The following GYS2 variants were observed in gnomAD, a reference collection of about 807,000 sequenced individuals.
GYS2 encodes glycogen [starch] synthase, liver.
Under a neutral mutation model 85.6 loss-of-function variants are expected in GYS2, and 80 were observed. That is an observed-to-expected ratio of 0.93 (90% CI 0.78 to 1.13). The LOEUF is 1.13. Among genes scored for constraint, GYS2 ranks in the 50% most tolerant of loss-of-function variants. GYS2 has a pLI of 0.00. For missense variants in GYS2, 881 were observed against 854.9 expected, an observed-to-expected ratio of 1.03 and a Z score of -0.38; for synonymous variants, 328 against 300.7, an observed-to-expected ratio of 1.09 and a Z score of -0.94.
intron 15 of GYS2, 65 bp from the exon 16 acceptor site, chr12:21,537,240 C>A (rs1420540877): frequency 1.2e-5 from 13 of 1,098,948 alleles, no homozygotes; most frequent in Non-Finnish European, 1.7e-5. Context: ...GATGTAAATA[C>A]TATGCATGCA....
In GYS2 at chr12:21,604,519, A is replaced by G. The variant is rs1418654756; in HGVS notation, c.74T>C (p.Val25Ala). 6.2e-7 allele frequency: 1 copy of G among 1,612,606 alleles called. No individual in the cohort carries two copies. Among genetic ancestry groups the G allele is most frequent in the Non-Finnish European group, 8.5e-7 (1 of 1,178,900 alleles). ...LPQWEVEELP[V>A]EELLLFEVAW... Reference sequence around the variant, plus strand: ...AACTTCAAAGAGCAGTAACTCCTCCACAGGAAGTTCTTCGACTTCCCACTG... The same window carrying G: ...AACTTCAAAGAGCAGTAACTCCTCCGCAGGAAGTTCTTCGACTTCCCACTG... Residue 25 changes from valine (V) to alanine (A), a missense_variant, in exon 1 of 16, where the codon GTG becomes GCG. By Grantham distance (64) the Val-to-Ala change is moderately conservative (BLOSUM62 0). Transcript: ENST00000261195.
chr12:21,554,874 G>A (rs952346526), intron 11 of GYS2, among the ~76,000 whole-genome samples: 10 of 152,102 alleles, frequency 6.6e-5, no homozygotes, highest in South Asian at 6.2e-4. Flanking sequence ...TTTAAAACAC[G>A]GATCAGCAAG....
intron 5 of GYS2, 102 bp downstream of exon 5, chr12:21,568,763 T>C: frequency 2.0e-6 from 2 of 976,106 alleles, no homozygotes; most frequent in Admixed American, 1.7e-5. Flanking sequence ...GGTAACTGAA[T>C]GCAATTTTTC....
downstream of GYS2, among the ~76,000 whole-genome samples, chr12:21,533,614 C>T (rs1375873490): frequency 3.3e-5 from 5 of 152,116 alleles, no homozygotes; most frequent in African/African-American, 9.7e-5. Context: ...TCGGACCTCC[C>T]TAAGTAGACT....
Position 21,562,906 on chromosome 12 carries a change from G to C in GYS2, c.1062+12C>G. The C allele has an allele frequency of 1.2e-6, 2 of 1,612,146 alleles. No individual in the cohort carries two copies. Among genetic ancestry groups the C allele is most frequent in the Non-Finnish European group, 1.7e-6 (2 of 1,178,392 alleles). On this transcript the variant is annotated intron_variant, in intron 7 of 15. Coordinates refer to ENST00000261195, the MANE Select transcript of GYS2 (RefSeq NM_021957.4). ...TACAAGAGTGTTATACCATGTCCTA[G>C]AGCTTTCTTACCCTCAGCAGGAAAT... is the stretch of plus-strand genomic sequence containing the variant.
At position 21,585,941 on chromosome 12, in the gene GYS2, T is replaced by A. The variant is rs116527583; in HGVS notation, c.122-5418A>T. On this transcript the variant is annotated intron_variant, in intron 1 of 15. Coordinates refer to ENST00000261195, the MANE Select transcript of GYS2 (RefSeq NM_021957.4). The stretch of plus-strand genomic sequence containing the variant: ...TAGGCATAATTATGACTTATTGTTG[T>A]CTTTATTTGAAGATAATGTATGACC... Among the ~76,000 whole-genome samples, 388 of 152,310 alleles carry A rather than the reference T, an allele frequency of 2.5e-3. 3 individuals are homozygous for A. The highest frequency in any genetic ancestry group is 8.2e-3 in the African/African-American group (341 of 41,556).
Position 21,553,001 on chromosome 12 carries a change from T to G in GYS2, c.1422+5199A>C, listed in dbSNP as rs748499374. Reference sequence around the variant, plus strand: ...TTCTGGGCTAAGAACTAAAAGAAGCTAATACTTATTATGTATTTACTATGT... The same window carrying G: ...TTCTGGGCTAAGAACTAAAAGAAGCGAATACTTATTATGTATTTACTATGT... On this transcript the variant is annotated intron_variant, in intron 11 of 15. Coordinates refer to ENST00000261195, the MANE Select transcript of GYS2 (RefSeq NM_021957.4). 7.2e-5 allele frequency among the ~76,000 whole-genome samples: 11 copies of G among 152,354 alleles called. 1 individual carries two copies. Among genetic ancestry groups the G allele is most frequent in the South Asian group, 4.1e-4 (2 of 4,828 alleles).
chr12:21,575,825 T>C (rs773642471), intron 3 of GYS2, 41 bp downstream of exon 3: 1 of 1,459,570 alleles, frequency 6.9e-7, no homozygotes, highest in Non-Finnish European at 9.6e-7. Flanking sequence ...TGAAAGCAGT[T>C]GTGCTGCTCC....
Position 21,558,287 on chromosome 12 carries a change from C to T in GYS2, c.1335G>A (p.Thr445=), listed in dbSNP as rs770636626. 3 of 1,613,062 alleles carry T rather than the reference C, an allele frequency of 1.9e-6. No homozygotes were observed. Among genetic ancestry groups the T allele is most frequent in the East Asian group, 2.2e-5 (1 of 44,858 alleles). The change falls in exon 11 of 16, where the codon ACG becomes ACA. Residue 445 remains threonine, a synonymous_variant. Transcript: ENST00000261195. ...CGGTGGAGTCATCAATCATGTTGTG[C>T]GTGGTCACTGGGGGCAATGACTGTC... The part of the protein sequence containing the change: ...TQRQSLPPVT[T]HNMIDDSTDP...
intron 11 of GYS2, 145 bp downstream of exon 11, chr12:21,558,055 C>T (rs1225088413): frequency 1.5e-6 from 1 of 661,098 alleles, no homozygotes; most frequent in Non-Finnish European, 2.7e-6. Flanking sequence ...CTTTAGTTAT[C>T]CAAGACAAGA....
intron 5 of GYS2, among the ~76,000 whole-genome samples, chr12:21,568,247 G>GT (rs1219349324): frequency 6.6e-6 from 1 of 152,084 alleles, no homozygotes; most frequent in Non-Finnish European, 1.5e-5. Flanking sequence ...GTGTTTCATT[G>GT]TATGACAGTG....
intron 11 of GYS2, among the ~76,000 whole-genome samples, chr12:21,549,197 C>T (rs1944077318): frequency 6.6e-6 from 1 of 152,170 alleles, no homozygotes; most frequent in Non-Finnish European, 1.5e-5. Context: ...TCCTATTTCT[C>T]CCACTTACTA....
At chr12:21,586,687 G>A (rs540239538) in intron 1 of GYS2, among the ~76,000 whole-genome samples, 1 of 152,222 alleles carries the variant, frequency 6.6e-6, no homozygotes, top group Non-Finnish European at 1.5e-5. Context: ...ATGTTGGTGA[G>A]GATGTGGAGA....
chr12:21,566,799 A>C (rs1260148935), intron 5 of GYS2, among the ~76,000 whole-genome samples: 1 of 152,194 alleles, frequency 6.6e-6, no homozygotes, highest in Non-Finnish European at 1.5e-5. Flanking sequence ...TACTCAACAT[A>C]AAATCATTTT....
chr12:21,601,398 CCT>C (rs1441431172), intron 1 of GYS2, among the ~76,000 whole-genome samples: 1 of 152,126 alleles, frequency 6.6e-6, no homozygotes, highest in Non-Finnish European at 1.5e-5. Flanking sequence ...ATTAACTCCC[CCT>C]GAGCTTCACA....
At chr12:21,571,426 G>A (rs7980373) in intron 4 of GYS2, among the ~76,000 whole-genome samples, 113,310 of 152,100 alleles carry the variant, frequency 0.74, 42,535 homozygotes, top group South Asian at 0.8. Flanking sequence ...ATATCTCATA[G>A]TTTTTTATTG....
intron 2 of GYS2, 62 bp downstream of exon 2, chr12:21,580,280 G>T: frequency 7.3e-7 from 1 of 1,379,110 alleles, no homozygotes; most frequent in South Asian, 1.2e-5. Flanking sequence ...GTTCATGTTA[G>T]TTACAGTCTT....
At chr12:21,539,124 C>T in intron 15 of GYS2, 134 bp downstream of exon 15, 1 of 645,788 alleles carries the variant, frequency 1.5e-6, no homozygotes. Context: ...GTTCCTCTCT[C>T]TCTCCTTTGG....
chr12:21,549,970 T>C (rs1264084136), intron 11 of GYS2, among the ~76,000 whole-genome samples: 3 of 152,240 alleles, frequency 2.0e-5, no homozygotes, highest in Admixed American at 6.5e-5. Context: ...TGTATTGGAC[T>C]TCTGATTCCT....
Sources: gnomAD v4.1 joint callset for allele counts (sites outside exome capture counted in the v4.1 genomes callset) on GRCh38, gnomAD v4.1.1 for gene constraint, MANE v1.5 for transcripts, NCBI Gene and HGNC (gene_info 2026-07-23, HGNC 2026-07-21) for gene names.